SOBP: variants seen among roughly 807,000 people sequenced by gnomAD.
SOBP encodes sine oculis binding protein homolog, also known as sine oculis-binding protein homolog.
In SOBP, 4 loss-of-function variants were observed where a neutral mutation model predicts 53.6. The ratio of observed to expected loss-of-function variants is 0.07; its 90% confidence interval spans 0.04 to 0.17. SOBP has a LOEUF of 0.17. Among genes scored for constraint, SOBP ranks in the 10% least tolerant of loss-of-function variants. The pLI, the probability that SOBP is intolerant of heterozygous loss-of-function variation, is 1.00. For missense variants in SOBP, 1,088 were observed against 1,204.7 expected (o/e 0.90, Z 1.43); for synonymous variants, 584 against 522.6 (o/e 1.12, Z -1.60).
intron 4 of SOBP, among the ~76,000 whole-genome samples, chr6:107,563,690 C>G (rs1784834674): frequency 6.6e-6 from 1 of 151,026 alleles, no homozygotes; most frequent in South Asian, 2.1e-4. Context: ...AAAAAAAAAA[C>G]TTACAATAGA....
intron 5 of SOBP, among the ~76,000 whole-genome samples, chr6:107,591,954 T>G (rs961404534): frequency 6.3e-5 from 9 of 143,738 alleles, no homozygotes; most frequent in African/African-American, 2.3e-4. Flanking sequence ...GAGGGACAGA[T>G]TTGGTCTTTT....
Position 107,634,463 on chromosome 6 carries a change from C to G in SOBP, c.1619C>G (p.Pro540Arg). ...CCCCTACCGGTGCCCATCCCCATCCCCATCCCTATCCCTCACGTCAGCGAC... is the reference window on the plus strand; with the variant it reads ...CCCCTACCGGTGCCCATCCCCATCCGCATCCCTATCCCTCACGTCAGCGAC... Reference protein sequence around the residue: ...IVPLPVPIPIPIPIPHVSDSK... With the variant: ...IVPLPVPIPIRIPIPHVSDSK... The change falls in exon 6 of 7, where the codon CCC becomes CGC. Residue 540 changes from proline (P) to arginine (R), a missense_variant. By Grantham distance (103) the Pro-to-Arg change is moderately radical. Transcript: ENST00000317357. The surrounding 1 kb of genome is among the most constrained non-coding windows in gnomAD (Gnocchi z 4.5). The G allele has an allele frequency of 6.2e-7, 1 of 1,611,110 alleles. No individual in the cohort carries two copies. The highest frequency in any genetic ancestry group is 8.5e-7 in the Non-Finnish European group (1 of 1,179,916).
chr6:107,632,320 T>A (rs1562113340), intron 5 of SOBP, among the ~76,000 whole-genome samples: 1 of 148,284 alleles, frequency 6.7e-6, no homozygotes, highest in East Asian at 2.0e-4. Flanking sequence ...GCTGAGAAAA[T>A]GGCCCCCCCC....
rs1267832137 is a variant in SOBP at position 107,490,740 on chromosome 6, G to C, written c.96+28G>C. The C allele has an allele frequency of 5.2e-6, 8 of 1,527,262 alleles. 1 individual carries two copies. The highest frequency in any genetic ancestry group is 7.2e-6 in the Non-Finnish European group (8 of 1,118,148). 94.6% of individuals were successfully genotyped at this position (1,527,262 alleles called of 1,614,324 possible). A position where few individuals can be genotyped will look rare whatever the true frequency, so the allele number is the denominator to read the frequency against. ...ATTTTTTGATCTCGGGGGCCAGGGA[G>C]ACTGAGCTCTTTCTTGCGCCCGCTC... is the stretch of plus-strand genomic sequence containing the variant. On this transcript the variant is annotated intron_variant, in intron 1 of 6. Transcript: ENST00000317357.
chr6:107,550,615 G>A (rs1003347113), intron 4 of SOBP, among the ~76,000 whole-genome samples: 1 of 152,100 alleles, frequency 6.6e-6, no homozygotes, highest in Non-Finnish European at 1.5e-5. Context: ...AGAAGAACCC[G>A]GGCACCACAG....
chr6:107,634,023 G>A lies in SOBP; in HGVS notation c.1179G>A (p.Val393=). 2 of 1,612,028 alleles carry A rather than the reference G, an allele frequency of 1.2e-6. No homozygotes were observed. Among genetic ancestry groups the A allele is most frequent in the Non-Finnish European group, 1.7e-6 (2 of 1,178,922 alleles). ...TGGTGATGACCAACCGCGGCCCGGT[G>A]CCGCTGCCCATCTTCATGGAGCAGC... The part of the protein sequence containing the change: ...PPMVMTNRGP[V]PLPIFMEQQI... The change falls in exon 6 of 7, where the codon GTG becomes GTA. Residue 393 remains valine (V), a synonymous_variant. Coordinates refer to ENST00000317357, the MANE Select transcript of SOBP (RefSeq NM_018013.4). This position sits in a 1 kb window ranked among gnomAD's most constrained non-coding sequence, Gnocchi z 4.5.
chr6:107,535,605 A>T (rs949586560), intron 4 of SOBP, among the ~76,000 whole-genome samples: 1 of 146,400 alleles, frequency 6.8e-6, no homozygotes, highest in Non-Finnish European at 1.5e-5. Context: ...CTGATGTGCT[A>T]TGCCTTCTTG....
At chr6:107,594,277 G>A (rs73762276) in intron 5 of SOBP, among the ~76,000 whole-genome samples, 2,000 of 152,236 alleles carry the variant, frequency 0.013, 43 homozygotes, top group African/African-American at 0.045. Flanking sequence ...TAAACAACTG[G>A]CACTCAATCA....
intron 5 of SOBP, among the ~76,000 whole-genome samples, chr6:107,589,182 A>G (rs896868347): frequency 2.0e-5 from 3 of 152,334 alleles, no homozygotes; most frequent in East Asian, 1.9e-4. Context: ...TGGTTCTGCC[A>G]TCTTCTTGCA....
At chr6:107,617,820 C>CT (rs71551315) in intron 5 of SOBP, among the ~76,000 whole-genome samples, 1,635 of 101,198 alleles carry the variant, frequency 0.016, 45 homozygotes, top group African/African-American at 0.036. Context: ...TGTATGACTC[C>CT]TTTTTTTTTT....
At chr6:107,533,430 T>C (rs1363918302) in intron 3 of SOBP, 29 bp from the exon 4 acceptor site, 5 of 1,613,384 alleles carry the variant, frequency 3.1e-6, no homozygotes, top group Non-Finnish European at 4.2e-6. Flanking sequence ...GCTTCTGATA[T>C]GAACATTTTT....
At chr6:107,601,048 C>A (rs1786160620) in intron 5 of SOBP, among the ~76,000 whole-genome samples, 3 of 152,168 alleles carry the variant, frequency 2.0e-5, no homozygotes, top group Non-Finnish European at 4.4e-5. Flanking sequence ...AATGAATGAA[C>A]AAACCATACC....
intron 3 of SOBP, among the ~76,000 whole-genome samples, chr6:107,525,343 A>G (rs906017024): frequency 1.3e-5 from 2 of 152,236 alleles, no homozygotes; most frequent in African/African-American, 4.8e-5. Context: ...CTGGAGGCAC[A>G]TGTACTTAGT....
intron 5 of SOBP, among the ~76,000 whole-genome samples, chr6:107,592,677 TG>T (rs1303808268): frequency 6.6e-6 from 1 of 152,226 alleles, no homozygotes; most frequent in Non-Finnish European, 1.5e-5. Flanking sequence ...TTGTATACTG[TG>T]TACCAGTTTC....
At position 107,502,771 on chromosome 6, in the gene SOBP, A is replaced by T. The variant is rs868075132; in HGVS notation, c.97-886A>T. On this transcript the variant is annotated intron_variant, in intron 1 of 6. Transcript: ENST00000317357. ...TTATGTGTTGATTTTTTAAAAAAAAATTTTTTTGAGATGGAGGCTTGCCCT... is the reference window on the plus strand; with the variant it reads ...TTATGTGTTGATTTTTTAAAAAAAATTTTTTTTGAGATGGAGGCTTGCCCT... Among the ~76,000 whole-genome samples, 39 of 152,226 alleles carry T rather than the reference A, an allele frequency of 2.6e-4. 2 individuals are homozygous for T. Among genetic ancestry groups the T allele is most frequent in the South Asian group, 6.2e-4 (3 of 4,820 alleles).
At chr6:107,578,182 G>T (rs552631387) in intron 4 of SOBP, among the ~76,000 whole-genome samples, 1 of 151,894 alleles carries the variant, frequency 6.6e-6, no homozygotes, top group Non-Finnish European at 1.5e-5. Flanking sequence ...TTCTGAAGCT[G>T]CAGGGAACCC....
At chr6:107,553,634 C>T (rs993031524) in intron 4 of SOBP, among the ~76,000 whole-genome samples, 2 of 152,094 alleles carry the variant, frequency 1.3e-5, no homozygotes, top group Non-Finnish European at 1.5e-5. Context: ...TATAGGCGCC[C>T]GCCACCATGC....
intron 5 of SOBP, among the ~76,000 whole-genome samples, chr6:107,588,846 C>G (rs1247097079): frequency 6.6e-6 from 1 of 152,200 alleles, no homozygotes; most frequent in Non-Finnish European, 1.5e-5. Flanking sequence ...TTGGTACAAT[C>G]TTCGTCCTTC....
At chr6:107,558,692 A>G (rs1784689325) in intron 4 of SOBP, among the ~76,000 whole-genome samples, 1 of 150,970 alleles carries the variant, frequency 6.6e-6, no homozygotes, top group Admixed American at 6.6e-5. Flanking sequence ...AATATATTTT[A>G]TATATGAAAT....
Sources: gnomAD v4.1 joint callset for allele counts (sites outside exome capture counted in the v4.1 genomes callset) on GRCh38, gnomAD v4.1.1 for gene constraint, Gnocchi (gnomAD v3.1) non-coding constraint, MANE v1.5 for transcripts, NCBI Gene and HGNC (gene_info 2026-07-23, HGNC 2026-07-21) for gene names.